The following GALNT13 variants were observed in gnomAD, a reference collection of about 807,000 sequenced individuals.
The protein encoded by GALNT13 is polypeptide N-acetylgalactosaminyltransferase 13, also known as UDP-GalNAc:polypeptide N-acetylgalactosaminyltransferase 13.
A neutral mutation model predicts 64.2 loss-of-function variants in GALNT13; 28 were observed. The ratio of observed to expected loss-of-function variants is 0.44; its 90% CI spans 0.32 to 0.60. The LOEUF (loss-of-function observed/expected upper bound fraction) is 0.60, where lower values mean the gene tolerates loss of function less well. Ranked by LOEUF, GALNT13 falls within the 20% of genes least tolerant of loss-of-function variation. GALNT13 has a pLI of 0.05. For synonymous variants in GALNT13, 214 were observed against 224.6 expected (o/e 0.95, Z 0.42); for missense variants, 577 against 669.8 (o/e 0.86, Z 1.53).
the GALNT13 span, among the ~76,000 whole-genome samples, chr2:153,464,595 T>G: frequency 2.0e-5 from 3 of 152,032 alleles, no homozygotes; most frequent in African/African-American, 7.2e-5. Context: ...GGACATAAAA[T>G]TATATTATAG....
the GALNT13 span, among the ~76,000 whole-genome samples, chr2:153,081,177 G>T: frequency 7.3e-5 from 11 of 151,048 alleles, 1 homozygote; most frequent in African/African-American, 2.7e-4. Context: ...TTTTTACTTT[G>T]GTATTTATTG....
the GALNT13 span, among the ~76,000 whole-genome samples, chr2:153,266,469 A>G: frequency 6.6e-6 from 1 of 152,322 alleles, no homozygotes; most frequent in Admixed American, 6.5e-5. Flanking sequence ...AAAGAAAAAA[A>G]GGTTTAATTG....
chr2:153,258,745 A>C, the GALNT13 span, among the ~76,000 whole-genome samples: 1 of 152,014 alleles, frequency 6.6e-6, no homozygotes, highest in Non-Finnish European at 1.5e-5. Flanking sequence ...ATATTGTTTA[A>C]TTTCCTTGTG....
chr2:153,857,241 T>C, the GALNT13 span, among the ~76,000 whole-genome samples: 1 of 152,162 alleles, frequency 6.6e-6, no homozygotes, highest in African/African-American at 2.4e-5. Flanking sequence ...AATTGAGTTT[T>C]TTCAATGCAG....
chr2:153,400,761 C>G, the GALNT13 span, among the ~76,000 whole-genome samples: 1 of 151,934 alleles, frequency 6.6e-6, no homozygotes, highest in Admixed American at 6.6e-5. Flanking sequence ...TCTGTGGGAT[C>G]GGTGGTGATA....
At chr2:153,473,359 A>T in the GALNT13 span, among the ~76,000 whole-genome samples, 1 of 152,166 alleles carries the variant, frequency 6.6e-6, no homozygotes, top group South Asian at 2.1e-4. Context: ...ACTGATAATA[A>T]TATTATATAA....
chr2:153,700,643 G>A, the GALNT13 span, among the ~76,000 whole-genome samples: 3 of 152,066 alleles, frequency 2.0e-5, no homozygotes, highest in Non-Finnish European at 2.9e-5. Context: ...CCCCAGCAAA[G>A]TCTCAGGATA....
intron 3 of GALNT13, among the ~76,000 whole-genome samples, chr2:154,120,230 T>G (rs2105514567): frequency 6.6e-6 from 1 of 152,148 alleles, no homozygotes. Context: ...AGGTGGAGCT[T>G]CTGGTTGGGC....
At chr2:153,886,203 G>A (rs776717974) in intron 1 of GALNT13, among the ~76,000 whole-genome samples, 1 of 150,716 alleles carries the variant, frequency 6.6e-6, no homozygotes, top group Non-Finnish European at 1.5e-5. Flanking sequence ...AATTAACAAT[G>A]AGGCACTCTT....
chr2:154,136,117 T>TA (rs1418292240), intron 3 of GALNT13, among the ~76,000 whole-genome samples: 1 of 152,204 alleles, frequency 6.6e-6, no homozygotes, highest in African/African-American at 2.4e-5. Context: ...TCTAATTTAT[T>TA]ACAATTGTAA....
At chr2:153,089,736 A>G in the GALNT13 span, among the ~76,000 whole-genome samples, 2 of 151,812 alleles carry the variant, frequency 1.3e-5, no homozygotes, top group Admixed American at 1.3e-4. Flanking sequence ...AGCTCTTTCC[A>G]GTATATTTTG....
At chr2:153,853,109 T>G in the GALNT13 span, among the ~76,000 whole-genome samples, 2 of 151,968 alleles carry the variant, frequency 1.3e-5, no homozygotes, top group African/African-American at 4.8e-5. Context: ...GAATTTAGAG[T>G]CCGATCTTTG....
At chr2:153,401,454 G>C in the GALNT13 span, among the ~76,000 whole-genome samples, 9 of 149,918 alleles carry the variant, frequency 6.0e-5, no homozygotes, top group Non-Finnish European at 1.0e-4. Flanking sequence ...GCTTGGTGCA[G>C]AGCTGAGTTC....
intron 2 of GALNT13, among the ~76,000 whole-genome samples, chr2:153,937,196 A>C (rs1348807359): frequency 6.6e-6 from 1 of 152,210 alleles, no homozygotes; most frequent in Non-Finnish European, 1.5e-5. Context: ...TTAACAGCTT[A>C]AATTTTTCAT....
intron 3 of GALNT13, among the ~76,000 whole-genome samples, chr2:153,981,620 A>T (rs1694469985): frequency 6.6e-6 from 1 of 152,046 alleles, no homozygotes. Context: ...TCTATCATTG[A>T]TGGACATTCG....
At chr2:153,801,638 C>A in the GALNT13 span, among the ~76,000 whole-genome samples, 1 of 152,134 alleles carries the variant, frequency 6.6e-6, no homozygotes, top group African/African-American at 2.4e-5. Context: ...ATCACCATCA[C>A]AGATATAATA....
At chr2:153,675,732 C>T in the GALNT13 span, among the ~76,000 whole-genome samples, 35 of 151,944 alleles carry the variant, frequency 2.3e-4, no homozygotes, top group South Asian at 5.8e-3. Context: ...TTTAAAATTA[C>T]GTGGAAATTA....
At chr2:154,315,296 T>C (rs961585641) in intron 9 of GALNT13, among the ~76,000 whole-genome samples, 5 of 152,222 alleles carry the variant, frequency 3.3e-5, no homozygotes, top group African/African-American at 4.8e-5. Flanking sequence ...TAGATATCTT[T>C]ATCAACTGGA....
the GALNT13 span, among the ~76,000 whole-genome samples, chr2:153,694,600 G>C: frequency 6.6e-6 from 1 of 152,128 alleles, no homozygotes; most frequent in African/African-American, 2.4e-5. Flanking sequence ...GTTTACCTTT[G>C]GGAGAGTCTT....
Sources: gnomAD v4.1 joint callset for allele counts (sites outside exome capture counted in the v4.1 genomes callset) on GRCh38, gnomAD v4.1.1 for gene constraint, MANE v1.5 for transcripts, NCBI Gene and HGNC (gene_info 2026-07-23, HGNC 2026-07-21) for gene names.